Variants in PXDNL observed in about 807,000 individuals in gnomAD.
PXDNL encodes peroxidasin like.
A neutral mutation model predicts 150.8 loss-of-function variants in PXDNL; 145 were observed. The ratio of observed to expected loss-of-function variants is 0.96; its 90% CI spans 0.84 to 1.10. The LOEUF (loss-of-function observed/expected upper bound fraction) is 1.10. PXDNL is among the 50% of genes least tolerant of loss of function. The pLI is 0.00. For missense variants in PXDNL, 2,087 were observed against 1,873.9 expected (o/e 1.11, Z -2.10); for synonymous variants, 757 against 725.7 (o/e 1.04, Z -0.69).
chr8:51,776,874 T>G (rs2037359358), intron 1 of PXDNL, among the ~76,000 whole-genome samples: 1 of 152,150 alleles, frequency 6.6e-6, no homozygotes, highest in Non-Finnish European at 1.5e-5. Context: ...ACTCTCTCCC[T>G]TCTGTTTTGT....
chr8:51,404,080 C>T (rs1808359559), intron 17 of PXDNL, among the ~76,000 whole-genome samples: 1 of 152,154 alleles, frequency 6.6e-6, no homozygotes, highest in African/African-American at 2.4e-5. Context: ...GTTCATTCTT[C>T]CTGGTGGGTT....
At chr8:51,619,013 C>A (rs1814184417) in intron 2 of PXDNL, among the ~76,000 whole-genome samples, 1 of 152,110 alleles carries the variant, frequency 6.6e-6, no homozygotes. Flanking sequence ...ATAGATCAGA[C>A]CTCTCATAGG....
intron 19 of PXDNL, among the ~76,000 whole-genome samples, chr8:51,361,532 C>A (rs1435468076): frequency 6.6e-6 from 1 of 152,144 alleles, no homozygotes; most frequent in Non-Finnish European, 1.5e-5. Flanking sequence ...GCTATGCCTA[C>A]ATTTGCATGT....
rs192204480 is a variant in PXDNL at position 51,497,064 on chromosome 8, A to T, written c.452+2635T>A. Among the ~76,000 whole-genome samples, 16 of 152,362 alleles carry T rather than the reference A, an allele frequency of 1.1e-4. No homozygotes were observed. In the East Asian group the frequency reaches 2.7e-3, roughly 26 times the overall value. On this transcript the variant is annotated intron_variant, in intron 5 of 22. Transcript: ENST00000356297. Reference sequence around the variant, plus strand: ...ACAAGGCTACAGTAACCAAAACAGCATGGTACTGGCACCAAAACAGAGACA... The same window carrying T: ...ACAAGGCTACAGTAACCAAAACAGCTTGGTACTGGCACCAAAACAGAGACA...
chr8:51,605,937 G>A lies in PXDNL; in HGVS notation c.237-13239C>T, dbSNP rs112284192. Among the ~76,000 whole-genome samples, 396 of 152,202 alleles carry A rather than the reference G, an allele frequency of 2.6e-3. 2 individuals are homozygous for A. Among genetic ancestry groups the A allele is most frequent in the African/African-American group, 9.0e-3 (375 of 41,516 alleles). On this transcript the variant is annotated intron_variant, in intron 2 of 22. Transcript: ENST00000356297. Reference sequence around the variant, plus strand: ...CATGTAATGCCCCCTATCACATTACGAGGCAGCAAGAAAGCCCTCACGAGA... The same window carrying A: ...CATGTAATGCCCCCTATCACATTACAAGGCAGCAAGAAAGCCCTCACGAGA...
chr8:51,371,848 T>A, intron 19 of PXDNL, 25 bp downstream of exon 19: 1 of 1,564,508 alleles, frequency 6.4e-7, no homozygotes, highest in Non-Finnish European at 8.8e-7. Flanking sequence ...TCAATCCAGA[T>A]CGTGCTCATT....
chr8:51,450,457 G>C lies in PXDNL; in HGVS notation c.1250-1339C>G, dbSNP rs146290620. On this transcript the variant is annotated intron_variant, in intron 10 of 22. Coordinates refer to ENST00000356297, the MANE Select transcript of PXDNL (RefSeq NM_144651.5). ...CTGGTTCAAATGCCTTTAACAACTT[G>C]ACAAATCATTTCTCTGCCTTGTTAG... Among the ~76,000 whole-genome samples the C allele has an allele frequency of 2.7e-4, 41 of 152,180 alleles. No homozygotes were observed. The East Asian group carries it at 7.9e-3, about 29-fold the overall frequency.
intron 1 of PXDNL, among the ~76,000 whole-genome samples, chr8:51,718,259 TG>T (rs1816657165): frequency 6.6e-6 from 1 of 151,802 alleles, no homozygotes; most frequent in African/African-American, 2.4e-5. Flanking sequence ...ACCTTCCATG[TG>T]GGGGCCAGGG....
At position 51,809,184 on chromosome 8, in the gene PXDNL, A is replaced by C; in HGVS notation, c.161T>G (p.Val54Gly). Reference protein sequence around the residue: ...HIPQVPQQTTVLDLRFNRIRE... With the variant: ...HIPQVPQQTTGLDLRFNRIRE... ...TGGGGAATTTATGTGAACTTACAGA[A>C]CTGTGGTCTGCTGTGGTACCTGAGG... Residue 54 changes from valine to glycine, a missense_variant, in exon 1 of 23, where the codon GTT becomes GGT. Transcript: ENST00000356297. The C allele has an allele frequency of 6.2e-7, 1 of 1,613,770 alleles. No homozygotes were observed.
At chr8:51,373,632 A>G (rs1181077640) in intron 18 of PXDNL, among the ~76,000 whole-genome samples, 2 of 152,202 alleles carry the variant, frequency 1.3e-5, no homozygotes, top group Non-Finnish European at 2.9e-5. Context: ...TACTTTCTCT[A>G]TAATTTGTAA....
intron 17 of PXDNL, among the ~76,000 whole-genome samples, chr8:51,404,294 T>C (rs1808370604): frequency 6.6e-6 from 1 of 152,224 alleles, no homozygotes; most frequent in Non-Finnish European, 1.5e-5. Flanking sequence ...CTTATCTGGC[T>C]CCACCCACAT....
intron 1 of PXDNL, among the ~76,000 whole-genome samples, chr8:51,720,865 A>G (rs1010184903): frequency 1.3e-5 from 2 of 152,258 alleles, no homozygotes; most frequent in East Asian, 3.8e-4. Context: ...TGAAGGCAAG[A>G]TAAGAGCAAG....
At chr8:51,394,404 G>A (rs1317127403) in intron 17 of PXDNL, among the ~76,000 whole-genome samples, 2 of 152,184 alleles carry the variant, frequency 1.3e-5, no homozygotes, top group Non-Finnish European at 2.9e-5. Flanking sequence ...TCATATTGAG[G>A]TGAGAAAATT....
At chr8:51,452,727 C>A (rs1434713972) in intron 10 of PXDNL, among the ~76,000 whole-genome samples, 3 of 152,152 alleles carry the variant, frequency 2.0e-5, no homozygotes, top group African/African-American at 7.2e-5. Flanking sequence ...AAACTTAACT[C>A]AATCAAAATA....
chr8:51,495,481 T>A (rs1811023812), intron 5 of PXDNL, among the ~76,000 whole-genome samples: 1 of 152,066 alleles, frequency 6.6e-6, no homozygotes, highest in African/African-American at 2.4e-5. Flanking sequence ...AAAAAATCAA[T>A]GAATCCAGGA....
In PXDNL at chr8:51,455,187, G is replaced by A. The variant is rs924265413; in HGVS notation, c.983-1402C>T. On this transcript the variant is annotated intron_variant, in intron 9 of 22. Transcript: ENST00000356297. ...TTATAATAATTGAAATAAATGTTCC[G>A]AGGTAAGTCAGTGGCAGTAGAACTG... Among the ~76,000 whole-genome samples the A allele has an allele frequency of 4.0e-5, 6 of 151,162 alleles. No homozygotes were observed. The South Asian group carries it at 6.3e-4, about 16-fold the overall frequency.
At chr8:51,565,321 A>G (rs140697656) in intron 3 of PXDNL, among the ~76,000 whole-genome samples, 1,376 of 135,524 alleles carry the variant, frequency 0.01, 17 homozygotes, top group East Asian at 0.05. Context: ...TAAATAAATA[A>G]ATAGATAGAT....
At chr8:51,616,405 T>A (rs1195337901) in intron 2 of PXDNL, among the ~76,000 whole-genome samples, 2 of 152,140 alleles carry the variant, frequency 1.3e-5, no homozygotes, top group African/African-American at 4.8e-5. Context: ...CGAAAGAGAT[T>A]TTCTTTGGGC....
intron 19 of PXDNL, among the ~76,000 whole-genome samples, chr8:51,353,767 A>G (rs1288049342): frequency 6.6e-6 from 1 of 152,188 alleles, no homozygotes; most frequent in Non-Finnish European, 1.5e-5. Flanking sequence ...GCTGTGCTGA[A>G]TGGATGCTAA....
Sources: gnomAD v4.1 joint callset for allele counts (sites outside exome capture counted in the v4.1 genomes callset) on GRCh38, gnomAD v4.1.1 for gene constraint, MANE v1.5 for transcripts, NCBI Gene and HGNC (gene_info 2026-07-23, HGNC 2026-07-21) for gene names.